ZNF385D: variants seen among roughly 807,000 people sequenced by gnomAD.
The protein encoded by ZNF385D is zinc finger protein 659.
In ZNF385D, 15 loss-of-function variants were observed where a neutral mutation model predicts 35.8. The ratio of observed to expected loss-of-function variants is 0.42; its 90% confidence interval spans 0.28 to 0.64. The LOEUF is 0.64. ZNF385D is among the 30% of genes least tolerant of loss of function. The pLI, the probability that ZNF385D is intolerant of heterozygous loss-of-function variation, is 0.23. For synonymous variants in ZNF385D, 212 were observed against 186.8 expected, an observed-to-expected ratio of 1.13 and a Z score of -1.10; for missense variants, 474 against 494.6, an observed-to-expected ratio of 0.96 and a Z score of 0.39.
intron 1 of ZNF385D, among the ~76,000 whole-genome samples, chr3:21,735,906 G>T (rs1465768015): frequency 2.6e-5 from 4 of 152,186 alleles, no homozygotes; most frequent in South Asian, 4.1e-4. Context: ...CAAGGGCTGG[G>T]AAAATGAGCA....
At chr3:21,950,495 G>T (rs1030831305) in intron 3 of ZNF385D, among the ~76,000 whole-genome samples, 1 of 151,704 alleles carries the variant, frequency 6.6e-6, no homozygotes, top group Admixed American at 6.5e-5. Flanking sequence ...CTCCCATTCT[G>T]TAGGTTGCCT....
At chr3:21,867,914 T>C (rs1697460638) in intron 3 of ZNF385D, among the ~76,000 whole-genome samples, 2 of 152,114 alleles carry the variant, frequency 1.3e-5, no homozygotes, top group Admixed American at 1.3e-4. Context: ...TATATTTTGT[T>C]TACTTCTAAT....
chr3:21,649,911 A>G (rs2065862609), intron 2 of ZNF385D, among the ~76,000 whole-genome samples: 1 of 152,106 alleles, frequency 6.6e-6, no homozygotes, highest in African/African-American at 2.4e-5. Context: ...ATTCCACAAC[A>G]TTCCACACAC....
chr3:21,961,758 C>T (rs1046892339), intron 3 of ZNF385D, among the ~76,000 whole-genome samples: 36 of 152,136 alleles, frequency 2.4e-4, no homozygotes, highest in African/African-American at 7.5e-4. Flanking sequence ...TTTCTTGAGA[C>T]ATTAGTTCTG....
intron 3 of ZNF385D, among the ~76,000 whole-genome samples, chr3:22,024,662 G>C (rs567142188): frequency 6.6e-6 from 1 of 152,116 alleles, no homozygotes; most frequent in African/African-American, 2.4e-5. Flanking sequence ...GAACTGTTTA[G>C]AGAGTTATGC....
chr3:22,108,205 A>T (rs1702325688), intron 3 of ZNF385D, among the ~76,000 whole-genome samples: 1 of 152,142 alleles, frequency 6.6e-6, no homozygotes, highest in Non-Finnish European at 1.5e-5. Context: ...ATACATACAC[A>T]CATATATAGA....
chr3:22,217,121 C>T (rs941882725), intron 2 of ZNF385D, among the ~76,000 whole-genome samples: 2 of 152,076 alleles, frequency 1.3e-5, no homozygotes, highest in East Asian at 1.9e-4. Flanking sequence ...AGTGAATTTG[C>T]AAGAGAGGAA....
intron 2 of ZNF385D, among the ~76,000 whole-genome samples, chr3:22,193,384 C>G (rs2728991): frequency 6.6e-6 from 1 of 151,798 alleles, no homozygotes; most frequent in Admixed American, 6.6e-5. Flanking sequence ...TGAAATAGAT[C>G]AAAAAAATTA....
At chr3:21,826,904 G>A (rs1694678706) in intron 3 of ZNF385D, among the ~76,000 whole-genome samples, 1 of 151,884 alleles carries the variant, frequency 6.6e-6, no homozygotes, top group African/African-American at 2.4e-5. Flanking sequence ...TGAAGGAACA[G>A]TGAAGAGTAT....
intron 2 of ZNF385D, among the ~76,000 whole-genome samples, chr3:22,356,620 T>C (rs1387454393): frequency 6.6e-6 from 1 of 151,982 alleles, no homozygotes; most frequent in Non-Finnish European, 1.5e-5. Flanking sequence ...GCAAGTACTG[T>C]ACGAATATTA....
At position 22,071,430 on chromosome 3, in the gene ZNF385D, C is replaced by A. The variant is rs573243655; in HGVS notation, c.325+97387G>T. ...TATTATCCAGCTTCATACTAGAGGT[C>A]ACTAGGTGATTGAAAAGAAATTGCT... is the stretch of plus-strand genomic sequence containing the variant. On this transcript the variant is annotated intron_variant, in intron 3 of 5. Coordinates refer to the ZNF385D transcript ENST00000494108. Among the ~76,000 whole-genome samples, 13 of 152,246 alleles carry A rather than the reference C, an allele frequency of 8.5e-5. 1 individual carries two copies. In the South Asian group the frequency reaches 2.7e-3, roughly 32 times the overall value.
rs1230404402 is a variant in ZNF385D, at chr3:21,418,880, A to G, written c.*2334T>C. 1 of 152,206 alleles carries G rather than the reference A, an allele frequency of 6.6e-6. No individual in the cohort carries two copies. Among genetic ancestry groups the G allele is most frequent in the Admixed American group, 6.5e-5 (1 of 15,268 alleles). The allele number at this position is 152,206 out of a possible 1,614,324, so 9.4% of individuals were successfully genotyped here. On this transcript the variant is annotated 3_prime_UTR_variant, in exon 8 of 8. Coordinates refer to ENST00000281523, the MANE Select transcript of ZNF385D (RefSeq NM_024697.3). ...AGGGAAACTAAAGTTCAAAATGGTT[A>G]GAAGCTGGTCACATGGGATACAGAC...
intron 3 of ZNF385D, among the ~76,000 whole-genome samples, chr3:22,028,545 C>T (rs1057158286): frequency 1.3e-5 from 2 of 152,202 alleles, no homozygotes; most frequent in Admixed American, 6.5e-5. Context: ...TATTTCGGAC[C>T]TCTTCCATCA....
chr3:22,325,198 A>T (rs1462375891), intron 2 of ZNF385D, among the ~76,000 whole-genome samples: 1 of 152,202 alleles, frequency 6.6e-6, no homozygotes, highest in Non-Finnish European at 1.5e-5. Context: ...CTTGAGTTTT[A>T]TTAGATAACT....
chr3:22,340,152 G>C (rs13072671), intron 2 of ZNF385D, among the ~76,000 whole-genome samples: 20,936 of 152,104 alleles, frequency 0.14, 1,974 homozygotes, highest in Non-Finnish European at 0.19. Context: ...TAAGAACTTT[G>C]GTTATCTCAA....
At chr3:22,177,690 G>A (rs940517172) in intron 2 of ZNF385D, among the ~76,000 whole-genome samples, 4 of 152,056 alleles carry the variant, frequency 2.6e-5, no homozygotes, top group Admixed American at 1.3e-4. Context: ...CCATTAACTC[G>A]TCATTTAACA....
intron 3 of ZNF385D, among the ~76,000 whole-genome samples, chr3:21,928,233 C>G (rs1700831188): frequency 7.3e-6 from 1 of 137,168 alleles, no homozygotes; most frequent in Non-Finnish European, 1.5e-5. Context: ...GACGGACGGA[C>G]AGACGGAAGG....
chr3:21,560,402 A>G (rs753167078), intron 3 of ZNF385D, among the ~76,000 whole-genome samples: 3 of 152,072 alleles, frequency 2.0e-5, no homozygotes, highest in Non-Finnish European at 4.4e-5. Flanking sequence ...TTTTCTTCTA[A>G]TAGGCCCCTC....
At chr3:21,785,497 A>T (rs370849543) in intron 3 of ZNF385D, among the ~76,000 whole-genome samples, 14 of 152,176 alleles carry the variant, frequency 9.2e-5, no homozygotes, top group African/African-American at 3.4e-4. Context: ...AGTGTTGTGC[A>T]TTCGATGTCC....
Sources: gnomAD v4.1 joint callset for allele counts (sites outside exome capture counted in the v4.1 genomes callset) on GRCh38, gnomAD v4.1.1 for gene constraint, MANE v1.5 for transcripts, NCBI Gene and HGNC (gene_info 2026-07-23, HGNC 2026-07-21) for gene names.